The following ADAMTSL1 variants were observed in gnomAD, a reference collection of about 807,000 sequenced individuals.
The protein encoded by ADAMTSL1 is ADAMTS like 1, also known as ADAMTS-like protein 1.
Under a neutral mutation model 201.8 loss-of-function variants are expected in ADAMTSL1, and 126 were observed. The ratio of observed to expected loss-of-function variants is 0.62; its 90% CI spans 0.54 to 0.72. ADAMTSL1 has a LOEUF of 0.72. Among genes scored for constraint, ADAMTSL1 ranks in the 30% least tolerant of loss-of-function variants. The pLI is 0.00. For synonymous variants in ADAMTSL1, 1,121 were observed against 903.4 expected (o/e 1.24, Z -4.32); for missense variants, 2,679 against 2,277.8 (o/e 1.18, Z -3.59).
intron 2 of ADAMTSL1, among the ~76,000 whole-genome samples, chr9:18,229,576 T>G (rs1320950258): frequency 7.2e-5 from 11 of 152,048 alleles, no homozygotes; most frequent in Admixed American, 7.2e-4. Context: ...TTGGCAGGTA[T>G]GTTATAGAAG....
chr9:18,346,209 T>C (rs1835707604), intron 2 of ADAMTSL1, among the ~76,000 whole-genome samples: 1 of 152,154 alleles, frequency 6.6e-6, no homozygotes, highest in South Asian at 2.1e-4. Context: ...GTAATCCTAG[T>C]GTTACCCCCA....
intron 13 of ADAMTSL1, among the ~76,000 whole-genome samples, chr9:18,693,570 G>T (rs1245258201): frequency 6.6e-6 from 1 of 152,170 alleles, no homozygotes; most frequent in Non-Finnish European, 1.5e-5. Flanking sequence ...TAGTTTCTTA[G>T]AGTCTTTTGG....
chr9:17,915,901 C>T (rs1459399081), intron 1 of ADAMTSL1, among the ~76,000 whole-genome samples: 1 of 152,016 alleles, frequency 6.6e-6, no homozygotes, highest in Non-Finnish European at 1.5e-5. Context: ...TCTTATTGGG[C>T]TTGGAGAATT....
intron 23 of ADAMTSL1, among the ~76,000 whole-genome samples, chr9:18,848,328 C>T (rs1015875351): frequency 3.3e-5 from 5 of 152,196 alleles, no homozygotes; most frequent in African/African-American, 7.2e-5. Context: ...GTTACTTCTC[C>T]GTCTTCTACA....
chr9:17,924,503 G>C (rs1002074739), intron 1 of ADAMTSL1, among the ~76,000 whole-genome samples: 1 of 151,046 alleles, frequency 6.6e-6, no homozygotes, highest in African/African-American at 2.4e-5. Flanking sequence ...TACCAAAACA[G>C]AGATATAGAT....
chr9:18,235,396 G>T (rs575640165), intron 2 of ADAMTSL1, among the ~76,000 whole-genome samples: 1 of 152,268 alleles, frequency 6.6e-6, no homozygotes, highest in Non-Finnish European at 1.5e-5. Flanking sequence ...ATGATGTCAA[G>T]CTTCATCACT....
intron 20 of ADAMTSL1, among the ~76,000 whole-genome samples, chr9:18,802,722 A>G (rs547524373): frequency 6.6e-6 from 1 of 152,246 alleles, no homozygotes; most frequent in East Asian, 1.9e-4. Flanking sequence ...GGTTATACAC[A>G]CCTAGGAGTG....
At chr9:18,017,772 T>C (rs1264320466) in intron 1 of ADAMTSL1, among the ~76,000 whole-genome samples, 2 of 152,008 alleles carry the variant, frequency 1.3e-5, no homozygotes, top group Non-Finnish European at 2.9e-5. Context: ...TTTATGTGGT[T>C]CTGTTTCTTT....
chr9:18,182,144 G>C (rs1490887339), intron 2 of ADAMTSL1, among the ~76,000 whole-genome samples: 2 of 144,554 alleles, frequency 1.4e-5, no homozygotes, highest in South Asian at 2.4e-4. Context: ...GTTGTGGTGT[G>C]GGGGGAGGGG....
At chr9:18,335,083 C>T (rs184887551) in intron 2 of ADAMTSL1, among the ~76,000 whole-genome samples, 5 of 152,166 alleles carry the variant, frequency 3.3e-5, no homozygotes, top group Admixed American at 2.6e-4. Flanking sequence ...TGAAACTACA[C>T]CAGCATCTTA....
rs111732755 is a variant in ADAMTSL1, at chr9:18,048,604, T to C, written c.88-115258T>C. Among the ~76,000 whole-genome samples, 3 of 152,324 alleles carry C rather than the reference T, an allele frequency of 2.0e-5. No homozygotes were observed. In the South Asian group the frequency reaches 6.2e-4, roughly 32 times the overall value. On this transcript the variant is annotated intron_variant, in intron 1 of 29. Coordinates refer to the ADAMTSL1 transcript ENST00000680146. ...AGATATATGGGGATTCTCTGTACTA[T>C]CTTGGTAATTTTTCTGCAAATCTAA...
intron 2 of ADAMTSL1, among the ~76,000 whole-genome samples, chr9:18,432,396 T>C (rs1819533714): frequency 6.6e-6 from 1 of 152,230 alleles, no homozygotes; most frequent in African/African-American, 2.4e-5. Context: ...GAATCTTATG[T>C]AGCTTACATT....
At chr9:18,386,838 G>C (rs549578628) in intron 2 of ADAMTSL1, among the ~76,000 whole-genome samples, 6 of 152,132 alleles carry the variant, frequency 3.9e-5, no homozygotes, top group African/African-American at 1.4e-4. Context: ...TTATTTTTGA[G>C]AAAGCACAAT....
intron 1 of ADAMTSL1, among the ~76,000 whole-genome samples, chr9:18,477,517 T>A (rs1161576764): frequency 2.6e-5 from 4 of 152,226 alleles, no homozygotes; most frequent in Non-Finnish European, 5.9e-5. Context: ...GCTTGTGGAA[T>A]GAATGTTAAG....
In ADAMTSL1 at chr9:18,740,276, G is replaced by A. The variant is rs558158374; in HGVS notation, c.2007-13022G>A. ...AGAAGCCTAATCTATGAGGCTGTGAGCTTGAACTGTAGTGAGCTGAAGTCA... is the reference window on the plus strand; with the variant it reads ...AGAAGCCTAATCTATGAGGCTGTGAACTTGAACTGTAGTGAGCTGAAGTCA... On this transcript the variant is annotated intron_variant, in intron 15 of 28. Transcript: ENST00000380548. Among the ~76,000 whole-genome samples, 261 of 152,150 alleles carry A rather than the reference G, an allele frequency of 1.7e-3. 1 individual carries two copies. Among genetic ancestry groups the A allele is most frequent in the African/African-American group, 6.1e-3 (254 of 41,516 alleles).
chr9:18,726,165 G>T (rs1374316444), intron 15 of ADAMTSL1, among the ~76,000 whole-genome samples: 1 of 152,076 alleles, frequency 6.6e-6, no homozygotes, highest in Non-Finnish European at 1.5e-5. Flanking sequence ...AAAAATTCAG[G>T]ACTTAAATTT....
intron 21 of ADAMTSL1, among the ~76,000 whole-genome samples, chr9:18,823,295 G>C (rs1389648398): frequency 6.6e-6 from 1 of 152,196 alleles, no homozygotes; most frequent in East Asian, 1.9e-4. Flanking sequence ...GAAACTGGAG[G>C]TTTCTTCCTC....
chr9:18,391,555 C>T (rs1838046071), intron 2 of ADAMTSL1, among the ~76,000 whole-genome samples: 1 of 152,026 alleles, frequency 6.6e-6, no homozygotes, highest in Non-Finnish European at 1.5e-5. Context: ...CAGCAATCTT[C>T]TTGCCTCAGA....
At chr9:18,013,904 A>G (rs1820151978) in intron 1 of ADAMTSL1, among the ~76,000 whole-genome samples, 1 of 151,912 alleles carries the variant, frequency 6.6e-6, no homozygotes, top group African/African-American at 2.4e-5. Context: ...ATTAAAAGCC[A>G]AGGTTTGAAA....
Sources: gnomAD v4.1 joint callset for allele counts (sites outside exome capture counted in the v4.1 genomes callset) on GRCh38, gnomAD v4.1.1 for gene constraint, MANE v1.5 for transcripts, NCBI Gene and HGNC (gene_info 2026-07-23, HGNC 2026-07-21) for gene names.